Variants in CCDC93 observed in about 807,000 individuals in gnomAD.
CCDC93 encodes the protein coiled-coil domain-containing protein 93.
A neutral mutation model predicts 108.2 loss-of-function variants in CCDC93; 61 were observed. The ratio of observed to expected loss-of-function variants is 0.56; its 90% CI spans 0.46 to 0.70. The LOEUF is 0.70. CCDC93 is among the 30% of genes least tolerant of loss of function. The pLI, the probability that CCDC93 is intolerant of heterozygous loss-of-function variation, is 0.00. For synonymous variants in CCDC93, 276 were observed against 260.4 expected, an observed-to-expected ratio of 1.06 and a Z score of -0.58; for missense variants, 685 against 764.2, an observed-to-expected ratio of 0.90 and a Z score of 1.22.
At chr2:118,000,610 T>C (rs17584842) in intron 4 of CCDC93, 31,531 of 496,584 alleles carry the variant, frequency 0.063, 1,263 homozygotes, top group Middle Eastern at 0.092. Flanking sequence ...TCAAAGATCT[T>C]ATCAGGTGAC....
At chr2:117,956,152 G>T (rs1416649851) in intron 12 of CCDC93, among the ~76,000 whole-genome samples, 2 of 152,276 alleles carry the variant, frequency 1.3e-5, no homozygotes, top group South Asian at 2.1e-4. Context: ...CATGGTCAGG[G>T]ATTACTCCAT....
chr2:117,945,880 A>G (rs936997285), intron 16 of CCDC93, among the ~76,000 whole-genome samples: 1 of 152,216 alleles, frequency 6.6e-6, no homozygotes, highest in African/African-American at 2.4e-5. Flanking sequence ...ATGAGATCTT[A>G]AGAGTCTAAT....
At chr2:117,943,135 G>A (rs1292157489) in intron 18 of CCDC93, among the ~76,000 whole-genome samples, 1 of 152,184 alleles carries the variant, frequency 6.6e-6, no homozygotes, top group African/African-American at 2.4e-5. Context: ...TGGCTTTACT[G>A]AAGCTTTCCC....
chr2:117,935,293 G>T (rs976314450), intron 22 of CCDC93, among the ~76,000 whole-genome samples: 5 of 152,110 alleles, frequency 3.3e-5, no homozygotes. Flanking sequence ...AGCAACTTTT[G>T]AACCCCTGGG....
rs894135671 is a variant in CCDC93 at position 117,964,385 on chromosome 2, CCT to C, written c.889-5906_889-5905del. ...AAAGCTGCTGTTGTTCCTTCCTCTC[CCT>C]CTCTTCCTTTCTTCTTTCCTTCAGC... is the stretch of plus-strand genomic sequence containing the variant. On this transcript the variant is annotated intron_variant, in intron 11 of 23. Coordinates refer to ENST00000376300, the MANE Select transcript of CCDC93 (RefSeq NM_019044.5). Among the ~76,000 whole-genome samples, 503 of 152,246 alleles carry C rather than the reference CCT, an allele frequency of 3.3e-3. 2 individuals carry two copies. The highest frequency in any genetic ancestry group is 0.011 in the African/African-American group (451 of 41,548).
At chr2:117,969,679 G>A (rs912187564) in intron 11 of CCDC93, among the ~76,000 whole-genome samples, 6 of 152,280 alleles carry the variant, frequency 3.9e-5, no homozygotes, top group South Asian at 2.1e-4. Context: ...ACCAATACCA[G>A]ACAAGGCCAC....
intron 7 of CCDC93, 41 bp from the exon 8 acceptor site, chr2:117,978,071 A>C (rs772937465): frequency 1.7e-5 from 26 of 1,549,416 alleles, no homozygotes; most frequent in Non-Finnish European, 2.3e-5. Flanking sequence ...TACTTAAAAA[A>C]TTACAATACA....
intron 23 of CCDC93, among the ~76,000 whole-genome samples, chr2:117,920,921 T>C (rs1000214571): frequency 6.6e-6 from 1 of 152,164 alleles, no homozygotes; most frequent in African/African-American, 2.4e-5. Context: ...CAGTGGCTCA[T>C]GCCTGTAATC....
chr2:118,003,366 T>G (rs987706311), intron 3 of CCDC93, among the ~76,000 whole-genome samples: 8 of 152,190 alleles, frequency 5.3e-5, no homozygotes, highest in Non-Finnish European at 2.9e-5. Flanking sequence ...GAGATGAGTG[T>G]TCAACTGGTA....
intron 11 of CCDC93, among the ~76,000 whole-genome samples, chr2:117,964,127 A>G (rs754708073): frequency 6.6e-6 from 1 of 152,226 alleles, no homozygotes; most frequent in Non-Finnish European, 1.5e-5. Flanking sequence ...AACTCTGATT[A>G]AAATTTTAAA....
chr2:117,996,466 T>G, intron 4 of CCDC93, 104 bp from the exon 5 acceptor site: 1 of 745,774 alleles, frequency 1.3e-6, no homozygotes, highest in Non-Finnish European at 2.4e-6. Context: ...TCAGCATAGT[T>G]GAACTGACTA....
intron 8 of CCDC93, among the ~76,000 whole-genome samples, chr2:117,976,363 A>C (rs1299578854): frequency 6.6e-6 from 1 of 152,166 alleles, no homozygotes; most frequent in East Asian, 1.9e-4. Flanking sequence ...TATACACATC[A>C]AACCCTTATT....
intron 23 of CCDC93, among the ~76,000 whole-genome samples, chr2:117,927,009 A>G (rs2104705544): frequency 6.6e-6 from 1 of 152,308 alleles, no homozygotes; most frequent in Non-Finnish European, 1.5e-5. Flanking sequence ...ACAGAACCAA[A>G]GACAAAAACC....
chr2:117,949,474 G>T, intron 13 of CCDC93, 79 bp from the exon 14 acceptor site: 1 of 1,004,334 alleles, frequency 1.0e-6, no homozygotes, highest in Non-Finnish European at 1.5e-6. Context: ...TTGTGAGGCA[G>T]ATAATGACAC....
At chr2:117,922,672 A>G (rs1382296913) in intron 23 of CCDC93, among the ~76,000 whole-genome samples, 1 of 152,210 alleles carries the variant, frequency 6.6e-6, no homozygotes, top group African/African-American at 2.4e-5. Flanking sequence ...ATTGCACACT[A>G]CAAGTGCTTG....
At chr2:118,007,035 G>C (rs554784400) in intron 2 of CCDC93, among the ~76,000 whole-genome samples, 1 of 140,458 alleles carries the variant, frequency 7.1e-6, no homozygotes, top group Non-Finnish European at 1.6e-5. Context: ...GAAATATTCC[G>C]TTATCTGCAA....
intron 11 of CCDC93, among the ~76,000 whole-genome samples, chr2:117,969,145 T>C (rs80159676): frequency 0.075 from 11,450 of 152,216 alleles, 524 homozygotes; most frequent in South Asian, 0.15. Flanking sequence ...TGATTACATA[T>C]ATGTAATTAC....
At chr2:117,938,653 TG>T (rs1460414465) in intron 20 of CCDC93, among the ~76,000 whole-genome samples, 2 of 151,870 alleles carry the variant, frequency 1.3e-5, no homozygotes, top group African/African-American at 4.8e-5. Context: ...CGGCCACTGA[TG>T]ATTAAACAGG....
intron 1 of CCDC93, among the ~76,000 whole-genome samples, chr2:118,013,616 G>T (rs1013796993): frequency 3.8e-4 from 58 of 152,296 alleles, no homozygotes; most frequent in Admixed American, 3.7e-3. Context: ...GGCGCGGGGT[G>T]GGGGAGCCCG....
Sources: gnomAD v4.1 joint callset for allele counts (sites outside exome capture counted in the v4.1 genomes callset) on GRCh38, gnomAD v4.1.1 for gene constraint, MANE v1.5 for transcripts, NCBI Gene and HGNC (gene_info 2026-07-23, HGNC 2026-07-21) for gene names.